Variants in PAWR observed in about 807,000 individuals in gnomAD.
PAWR encodes the protein pro-apoptotic WT1 regulator.
PAWR carries 23 observed loss-of-function variants against 32.0 expected under a neutral mutation model. That is an observed-to-expected ratio of 0.72 (90% CI 0.52 to 1.02). PAWR has a LOEUF of 1.02. Ranked by LOEUF, PAWR falls within the 50% of genes least tolerant of loss-of-function variation. The probability of loss-of-function intolerance (pLI) is 0.00; values close to 1 mark genes in which losing one functional copy is unlikely to be tolerated. For missense variants in PAWR, 457 were observed against 437.7 expected, an observed-to-expected ratio of 1.04 and a Z score of -0.39; for synonymous variants, 226 against 187.1, an observed-to-expected ratio of 1.21 and a Z score of -1.70.
chr12:79,667,949 G>A (rs1324210068), intron 2 of PAWR: 1 of 151,716 alleles, frequency 6.6e-6, no homozygotes, highest in African/African-American at 2.4e-5. Context: ...TGTTGCCCAG[G>A]CTGGAGTGCA....
intron 2 of PAWR, among the ~76,000 whole-genome samples, chr12:79,642,195 G>A (rs1392551978): frequency 3.3e-5 from 5 of 152,200 alleles, no homozygotes; most frequent in East Asian, 3.9e-4. Context: ...TAATAGATAA[G>A]ACTACATACA....
intron 6 of PAWR, 138 bp downstream of exon 6, chr12:79,594,191 G>A (rs1366410075): frequency 7.6e-6 from 4 of 528,750 alleles, no homozygotes; most frequent in African/African-American, 2.0e-5. Context: ...GGAAGAAAAT[G>A]ATACCTCTTA....
chr12:79,632,528 C>CTTGTT (rs1592516832), intron 2 of PAWR, among the ~76,000 whole-genome samples: 1 of 149,498 alleles, frequency 6.7e-6, no homozygotes, highest in Non-Finnish European at 1.5e-5. Context: ...CTGGCTAATT[C>CTTGTT]TTGTTTTGTT....
In PAWR at chr12:79,664,666, G is replaced by GA. The variant is rs1428414466; in HGVS notation, c.516+25062_516+25063insT. Among the ~76,000 whole-genome samples, 8 of 148,162 alleles carry GA rather than the reference G, an allele frequency of 5.4e-5. 1 individual carries two copies. The South Asian group carries it at 6.4e-4, about 12-fold the overall frequency. ...CAAAGTAGACTCTTTGGCGGGGGGG[G>GA]GAGGAGAGAGAGAGAGTGGTCTTGC... On this transcript the variant is annotated intron_variant, in intron 2 of 6. Transcript: ENST00000328827.
intron 3 of PAWR, among the ~76,000 whole-genome samples, chr12:79,614,861 C>T (rs1312443110): frequency 1.3e-5 from 2 of 152,116 alleles, no homozygotes; most frequent in South Asian, 2.1e-4. Flanking sequence ...GAGGAGGGAT[C>T]GGATCAAGTT....
chr12:79,607,181 T>C (rs1035197685), intron 4 of PAWR, among the ~76,000 whole-genome samples: 2 of 151,962 alleles, frequency 1.3e-5, no homozygotes, highest in Non-Finnish European at 2.9e-5. Flanking sequence ...CCCAGCACCT[T>C]GGGAGGCTGA....
At chr12:79,619,814 G>T (rs1164901438) in intron 3 of PAWR, among the ~76,000 whole-genome samples, 1 of 152,198 alleles carries the variant, frequency 6.6e-6, no homozygotes, top group Non-Finnish European at 1.5e-5. Context: ...GAAGGGGAAA[G>T]ATCTATGTAG....
chr12:79,637,543 A>T lies in PAWR; in HGVS notation c.517-16336T>A, dbSNP rs78136283. Among the ~76,000 whole-genome samples the T allele has an allele frequency of 3.1e-5, 3 of 96,994 alleles. No homozygotes were observed. The African/African-American group carries it at 7.2e-4, about 23-fold the overall frequency. 63.6% of individuals were successfully genotyped at this position (96,994 alleles called of 152,430 possible). A position where few individuals can be genotyped will look rare whatever the true frequency, so the allele number is the denominator to read the frequency against. On this transcript the variant is annotated intron_variant, in intron 2 of 6. Transcript: ENST00000328827. ...ACAACAACAACAACATTGAACATTAAAAAAAAAAAAAAAAGATAAATTGAA... is the reference window on the plus strand; with the variant it reads ...ACAACAACAACAACATTGAACATTATAAAAAAAAAAAAAAGATAAATTGAA...
At chr12:79,671,204 T>C (rs930668003) in intron 2 of PAWR, among the ~76,000 whole-genome samples, 8 of 151,892 alleles carry the variant, frequency 5.3e-5, no homozygotes, top group Admixed American at 1.3e-4. Flanking sequence ...TAAAGTTGTT[T>C]GGTGGTGTTT....
At chr12:79,669,632 AAAATC>A (rs1877787696) in intron 2 of PAWR, among the ~76,000 whole-genome samples, 1 of 152,216 alleles carries the variant, frequency 6.6e-6, no homozygotes, top group African/African-American at 2.4e-5. Flanking sequence ...AAAAAAGAAA[AAAATC>A]AAATGATACA....
chr12:79,640,279 T>TA (rs1876258185), intron 2 of PAWR, among the ~76,000 whole-genome samples: 1 of 151,994 alleles, frequency 6.6e-6, no homozygotes, highest in South Asian at 2.1e-4. Flanking sequence ...AGCAATCCCT[T>TA]AGTCCTAAAT....
intron 2 of PAWR, among the ~76,000 whole-genome samples, chr12:79,669,050 T>C (rs553139775): frequency 2.0e-5 from 3 of 152,342 alleles, no homozygotes; most frequent in South Asian, 4.1e-4. Context: ...ATTTCACTTA[T>C]CTTTTTCTGT....
intron 4 of PAWR, among the ~76,000 whole-genome samples, chr12:79,597,484 A>C (rs1214292652): frequency 6.6e-6 from 1 of 152,202 alleles, no homozygotes; most frequent in Non-Finnish European, 1.5e-5. Flanking sequence ...TAAAAGTTAA[A>C]AAGGTCATAC....
intron 2 of PAWR, among the ~76,000 whole-genome samples, chr12:79,650,336 G>A (rs987047187): frequency 2.0e-5 from 3 of 152,172 alleles, no homozygotes; most frequent in African/African-American, 7.2e-5. Context: ...CATTGACACT[G>A]TACCTTGTTA....
intron 2 of PAWR, among the ~76,000 whole-genome samples, chr12:79,657,920 T>C (rs1228298283): frequency 1.3e-5 from 2 of 152,080 alleles, no homozygotes; most frequent in Non-Finnish European, 2.9e-5. Context: ...CTGAGGAGTA[T>C]GGCGTCATTG....
Position 79,592,332 on chromosome 12 carries a change from C to T in PAWR, c.*275G>A. On this transcript the variant is annotated 3_prime_UTR_variant, in exon 7 of 7. Transcript: ENST00000328827. ...ATATTCAAACGGCTGTGACTTTAAACCATGTATTAGTTGAATACCACACAA... is the reference window on the plus strand; with the variant it reads ...ATATTCAAACGGCTGTGACTTTAAATCATGTATTAGTTGAATACCACACAA... The T allele has an allele frequency of 3.1e-6, 1 of 317,584 alleles. No homozygotes were observed. The highest frequency in any genetic ancestry group is 5.7e-6 in the Non-Finnish European group (1 of 174,768). The allele number at this position is 317,584 out of a possible 1,614,324, so 19.7% of individuals were successfully genotyped here.
intron 5 of PAWR, among the ~76,000 whole-genome samples, chr12:79,594,775 A>G (rs1216411727): frequency 2.0e-5 from 3 of 152,046 alleles, no homozygotes; most frequent in Non-Finnish European, 4.4e-5. Context: ...GCTGGAGTGC[A>G]ATGGCACCTT....
chr12:79,612,604 C>A (rs528286436), intron 4 of PAWR, among the ~76,000 whole-genome samples: 2 of 152,086 alleles, frequency 1.3e-5, no homozygotes, highest in Non-Finnish European at 2.9e-5. Context: ...TTTAACCTCA[C>A]GTCTCTCATC....
intron 2 of PAWR, among the ~76,000 whole-genome samples, chr12:79,671,242 T>C (rs899353626): frequency 1.3e-5 from 2 of 152,074 alleles, no homozygotes; most frequent in African/African-American, 2.4e-5. Flanking sequence ...AAATGGAAAG[T>C]ACTAGACAAC....
Sources: gnomAD v4.1 joint callset for allele counts (sites outside exome capture counted in the v4.1 genomes callset) on GRCh38, gnomAD v4.1.1 for gene constraint, MANE v1.5 for transcripts, NCBI Gene and HGNC (gene_info 2026-07-23, HGNC 2026-07-21) for gene names.